Variants in CNTN4 observed in about 807,000 individuals in gnomAD.
CNTN4 encodes the protein contactin-4.
In CNTN4, 77 loss-of-function variants were observed where a neutral mutation model predicts 122.5. That is an observed-to-expected ratio of 0.63 (90% CI 0.52 to 0.76). The LOEUF is 0.76. Among genes scored for constraint, CNTN4 ranks in the 30% least tolerant of loss-of-function variants. The pLI, the probability that CNTN4 is intolerant of heterozygous loss-of-function variation, is 0.00. For missense variants in CNTN4, 1,256 were observed against 1,259.1 expected (o/e 1.00, Z 0.04); for synonymous variants, 512 against 447.0 (o/e 1.15, Z -1.83).
At chr3:2,677,737 A>G (rs932905031) in intron 4 of CNTN4, among the ~76,000 whole-genome samples, 32 of 152,178 alleles carry the variant, frequency 2.1e-4, no homozygotes, top group African/African-American at 7.5e-4. Context: ...TGAGAAGTCA[A>G]AGTGAACTTT....
At chr3:2,501,214 T>G (rs1348281176) in intron 3 of CNTN4, among the ~76,000 whole-genome samples, 1 of 152,180 alleles carries the variant, frequency 6.6e-6, no homozygotes, top group Non-Finnish European at 1.5e-5. Context: ...AGGTTTCAAA[T>G]GGATTTGTAG....
chr3:2,335,796 T>G (rs1685482), intron 2 of CNTN4, among the ~76,000 whole-genome samples: 6 of 151,486 alleles, frequency 4.0e-5, no homozygotes, highest in Non-Finnish European at 7.4e-5. Flanking sequence ...CAACATCAAC[T>G]GAGGTATCAT....
chr3:2,114,003 C>T (rs2033158317), intron 2 of CNTN4, among the ~76,000 whole-genome samples: 1 of 152,120 alleles, frequency 6.6e-6, no homozygotes, highest in Admixed American at 6.5e-5. Context: ...GTTACTTGTG[C>T]TTTCAAAGAG....
At chr3:2,571,688 C>G (rs1034496424) in intron 4 of CNTN4, 130 bp downstream of exon 4, 3 of 731,334 alleles carry the variant, frequency 4.1e-6, no homozygotes, top group Non-Finnish European at 7.5e-6. Context: ...CTAGCATTTG[C>G]TGACACTGTT....
intron 2 of CNTN4, among the ~76,000 whole-genome samples, chr3:2,169,689 G>T (rs1471209855): frequency 2.6e-5 from 4 of 152,106 alleles, no homozygotes; most frequent in Admixed American, 6.5e-5. Flanking sequence ...GAGCCACCGC[G>T]CCCGGCCTAG....
At chr3:2,913,077 G>A (rs760014131) in intron 12 of CNTN4, among the ~76,000 whole-genome samples, 16 of 152,102 alleles carry the variant, frequency 1.1e-4, no homozygotes, top group African/African-American at 1.9e-4. Context: ...ACTTAAACCC[G>A]AGAGGCGGAG....
chr3:2,568,801 C>CT (rs2079295084), intron 3 of CNTN4, among the ~76,000 whole-genome samples: 1 of 152,140 alleles, frequency 6.6e-6, no homozygotes, highest in Non-Finnish European at 1.5e-5. Context: ...TCGTGAAATT[C>CT]TTCATCCTTA....
At chr3:2,654,955 T>C (rs1421794184) in intron 4 of CNTN4, among the ~76,000 whole-genome samples, 1 of 152,120 alleles carries the variant, frequency 6.6e-6, no homozygotes, top group East Asian at 1.9e-4. Context: ...TCAGAATGTA[T>C]AGAACTTTCT....
intron 3 of CNTN4, among the ~76,000 whole-genome samples, chr3:2,398,293 AGAT>A (rs1442658071): frequency 6.6e-6 from 1 of 152,120 alleles, no homozygotes; most frequent in African/African-American, 2.4e-5. Flanking sequence ...CAAAAACAAA[AGAT>A]GATATTTCTT....
In CNTN4 at chr3:2,679,631, G is replaced by A. The variant is rs533099980; in HGVS notation, c.56-56584G>A. On this transcript the variant is annotated intron_variant, in intron 4 of 24. Transcript: ENST00000418658. ...TGGGATTATACTGGGGTCACCCTGA[G>A]CAGGTCATCTGGTTGGATGAGAAGC... 3.9e-5 allele frequency among the ~76,000 whole-genome samples: 6 copies of A among 152,270 alleles called. No homozygotes were observed. In the South Asian group the frequency reaches 1.2e-3, roughly 32 times the overall value.
intron 13 of CNTN4, among the ~76,000 whole-genome samples, chr3:2,926,222 A>C (rs186717923): frequency 2.3e-3 from 351 of 152,294 alleles, no homozygotes; most frequent in African/African-American, 7.7e-3. Flanking sequence ...AGGCTGTCTC[A>C]AAACTCATTC....
chr3:2,883,293 CA>C, intron 9 of CNTN4, 46 bp downstream of exon 9: 1 of 1,423,278 alleles, frequency 7.0e-7, no homozygotes, highest in Non-Finnish European at 9.9e-7. Context: ...TCAGCTTGAG[CA>C]GGTATAGAGT....
chr3:2,561,576 G>GT lies in CNTN4; in HGVS notation c.-88-9834dup, dbSNP rs889888211. ...GATCCTTCCACTGCTTGCCCCTCTT[G>GT]TTTTTTCCAGCAAGTTTGCCGACTC... is the stretch of plus-strand genomic sequence containing the variant. On this transcript the variant is annotated intron_variant, in intron 3 of 24. Transcript: ENST00000418658. 5.9e-5 allele frequency among the ~76,000 whole-genome samples: 9 copies of GT among 152,030 alleles called. 1 individual carries two copies. The highest frequency in any genetic ancestry group is 1.9e-4 in the African/African-American group (8 of 41,478).
intron 3 of CNTN4, among the ~76,000 whole-genome samples, chr3:2,530,344 C>G (rs1430063901): frequency 7.2e-6 from 1 of 139,646 alleles, no homozygotes; most frequent in Non-Finnish European, 1.5e-5. Flanking sequence ...GAGTCTCACT[C>G]TGTCACCAGG....
At chr3:2,944,922 G>A (rs1372001881) in intron 13 of CNTN4, among the ~76,000 whole-genome samples, 1 of 152,172 alleles carries the variant, frequency 6.6e-6, no homozygotes, top group East Asian at 1.9e-4. Flanking sequence ...GAGAGCTCTG[G>A]AGCTCAGATA....
At chr3:2,285,722 C>T (rs1258948965) in intron 2 of CNTN4, among the ~76,000 whole-genome samples, 1 of 152,012 alleles carries the variant, frequency 6.6e-6, no homozygotes, top group African/African-American at 2.4e-5. Context: ...TCACTAATGT[C>T]ATTTTGGTAT....
At chr3:2,874,528 T>C (rs1412674253) in intron 8 of CNTN4, among the ~76,000 whole-genome samples, 1 of 152,204 alleles carries the variant, frequency 6.6e-6, no homozygotes, top group Non-Finnish European at 1.5e-5. Flanking sequence ...TCTCTAGAGA[T>C]GCAAAAGTCC....
At chr3:3,022,696 C>A (rs969922973) in intron 14 of CNTN4, among the ~76,000 whole-genome samples, 2 of 152,052 alleles carry the variant, frequency 1.3e-5, no homozygotes, top group Non-Finnish European at 2.9e-5. Context: ...GTCATTTATA[C>A]GTTATAGAAA....
At chr3:2,271,783 C>G (rs946508820) in intron 2 of CNTN4, among the ~76,000 whole-genome samples, 3 of 152,146 alleles carry the variant, frequency 2.0e-5, no homozygotes, top group Non-Finnish European at 4.4e-5. Flanking sequence ...CTATCTCTGA[C>G]TTGAGAACCC....
Sources: gnomAD v4.1 joint callset for allele counts (sites outside exome capture counted in the v4.1 genomes callset) on GRCh38, gnomAD v4.1.1 for gene constraint, MANE v1.5 for transcripts, NCBI Gene and HGNC (gene_info 2026-07-23, HGNC 2026-07-21) for gene names.